Variants in RHOBTB2 observed in about 807,000 individuals in gnomAD.
RHOBTB2 encodes rho-related BTB domain-containing protein 2.
RHOBTB2 carries 39 observed loss-of-function variants against 66.5 expected under a neutral mutation model. The ratio of observed to expected loss-of-function variants is 0.59; its 90% CI spans 0.45 to 0.77. RHOBTB2 has a LOEUF of 0.77. Ranked by LOEUF, RHOBTB2 falls within the 30% of genes least tolerant of loss-of-function variation. The pLI is 0.00. For synonymous variants in RHOBTB2, 390 were observed against 395.0 expected (o/e 0.99, Z 0.15); for missense variants, 755 against 999.1 (o/e 0.76, Z 3.29).
intron 7 of RHOBTB2, among the ~76,000 whole-genome samples, chr8:23,013,462 A>T (rs1811204044): frequency 6.6e-6 from 1 of 151,966 alleles, no homozygotes; most frequent in African/African-American, 2.4e-5. Flanking sequence ...GTGTGTCATT[A>T]AACACTACAG....
upstream of RHOBTB2, among the ~76,000 whole-genome samples, chr8:22,985,586 A>G (rs1313299864): frequency 6.6e-6 from 1 of 152,164 alleles, no homozygotes; most frequent in Admixed American, 6.5e-5. Flanking sequence ...TCCACAACTT[A>G]TTGTCCCATA....
At chr8:22,969,091 A>G in the RHOBTB2 span, among the ~76,000 whole-genome samples, 3 of 152,230 alleles carry the variant, frequency 2.0e-5, no homozygotes, top group Non-Finnish European at 4.4e-5. Context: ...ACAGTTCCAC[A>G]TGGCTGGGGA....
At chr8:23,007,907 G>A (rs1013232560) in intron 5 of RHOBTB2, 86 bp from the exon 6 acceptor site, 1 of 1,492,340 alleles carries the variant, frequency 6.7e-7, no homozygotes, top group African/African-American at 1.4e-5. Context: ...AATCTTCTGG[G>A]TTCAGGAGGA....
intron 3 of RHOBTB2, 75 bp from the exon 4 acceptor site, chr8:23,005,885 G>T (rs894739781): frequency 9.2e-5 from 130 of 1,415,008 alleles, no homozygotes; most frequent in Non-Finnish European, 1.2e-4. Flanking sequence ...ACAGGGCTGG[G>T]GTGGGGCAGA....
the RHOBTB2 span, among the ~76,000 whole-genome samples, chr8:22,952,056 C>T: frequency 6.6e-6 from 1 of 152,148 alleles, no homozygotes; most frequent in Non-Finnish European, 1.5e-5. Context: ...GTAATTACAA[C>T]CTTTACCTTC....
rs745781270 is a variant in RHOBTB2, at chr8:23,011,475, C to T, written c.1771+787C>T. On this transcript the variant is annotated intron_variant, in intron 7 of 9. Coordinates refer to ENST00000251822, the MANE Select transcript of RHOBTB2 (RefSeq NM_015178.3). ...TCTCATCCTCTTTCCAGAAACAGCA[C>T]ACAAACATCCCTGCCACTCCTTAGT... 3.0e-4 allele frequency among the ~76,000 whole-genome samples: 45 copies of T among 152,152 alleles called. 1 individual carries two copies. The highest frequency in any genetic ancestry group is 1.9e-4 in the Non-Finnish European group (13 of 68,036).
chr8:22,998,269 T>C (rs1810633363), upstream of RHOBTB2, among the ~76,000 whole-genome samples: 2 of 152,202 alleles, frequency 1.3e-5, no homozygotes, highest in Non-Finnish European at 2.9e-5. Context: ...TTCCTAATCA[T>C]ATTTTGCATA....
At chr8:23,016,154 G>T (rs1179150750) in intron 9 of RHOBTB2, among the ~76,000 whole-genome samples, 5 of 152,190 alleles carry the variant, frequency 3.3e-5, no homozygotes, top group African/African-American at 1.2e-4. Flanking sequence ...GACCACCCAG[G>T]TCTGGGCATC....
At chr8:22,986,142 CTCT>C (rs1810284077), upstream of RHOBTB2, among the ~76,000 whole-genome samples, 1 of 45,182 alleles carries the variant, frequency 2.2e-5, no homozygotes, top group African/African-American at 1.3e-4. Flanking sequence ...CGGTGGACTT[CTCT>C]CTCTCTCTCT....
chr8:23,004,171 C>A lies in RHOBTB2; in HGVS notation c.-10-254C>A. On this transcript the variant is annotated intron_variant, in intron 1 of 9. Coordinates refer to ENST00000251822, the MANE Select transcript of RHOBTB2 (RefSeq NM_015178.3). This position sits in a 1 kb window ranked among gnomAD's most constrained non-coding sequence, Gnocchi z 6.4. ...AGGTCTCCTTCATCCAGACGCACAG[C>A]TGGAGGATCGTGGGAGCAGGAAGGG... 1 of 523,394 alleles carries A rather than the reference C, an allele frequency of 1.9e-6. No homozygotes were observed. The highest frequency in any genetic ancestry group is 3.5e-6 in the Non-Finnish European group (1 of 287,340). The allele number at this position is 523,394 out of a possible 1,614,324, so 32.4% of individuals were successfully genotyped here.
chr8:23,005,169 G>A (rs1307242362), intron 2 of RHOBTB2, among the ~76,000 whole-genome samples: 2 of 152,116 alleles, frequency 1.3e-5, no homozygotes, highest in African/African-American at 4.8e-5. Context: ...GGTCAGCTTG[G>A]AGGCCACCCT....
the RHOBTB2 span, among the ~76,000 whole-genome samples, chr8:22,969,332 G>C: frequency 6.6e-6 from 1 of 152,036 alleles, no homozygotes; most frequent in Non-Finnish European, 1.5e-5. Context: ...TATAATTCAA[G>C]ATGAGATTTG....
upstream of RHOBTB2, among the ~76,000 whole-genome samples, chr8:22,983,355 A>AAAG (rs907160083): frequency 6.6e-6 from 1 of 151,902 alleles, no homozygotes; most frequent in Non-Finnish European, 1.5e-5. Flanking sequence ...AAAAAACAAA[A>AAAG]AAGAAGAAGA....
chr8:22,991,909 G>T (rs7826882), intron 1 of RHOBTB2: 78,818 of 152,058 alleles, frequency 0.52, 21,632 homozygotes, highest in Non-Finnish European at 0.61. Flanking sequence ...CAAAGTTCAG[G>T]ATTAGCTGAC....
upstream of RHOBTB2, among the ~76,000 whole-genome samples, chr8:22,996,245 G>T (rs901711814): frequency 3.3e-5 from 5 of 152,164 alleles, no homozygotes; most frequent in African/African-American, 7.2e-5. Flanking sequence ...TGGGTCACAA[G>T]AGGGATTTGG....
the RHOBTB2 span, among the ~76,000 whole-genome samples, chr8:22,964,819 T>G: frequency 7.8e-6 from 1 of 128,046 alleles, no homozygotes. Context: ...TTTATTTATT[T>G]ATTTATTTAT....
Position 23,004,305 on chromosome 8 carries a change from C to T in RHOBTB2, c.-10-120C>T. The T allele has an allele frequency of 1.2e-6, 1 of 829,910 alleles. No individual in the cohort carries two copies. The highest frequency in any genetic ancestry group is 2.0e-6 in the Non-Finnish European group (1 of 504,834). The allele number at this position is 829,910 out of a possible 1,614,324, so 51.4% of individuals were successfully genotyped here. ...GAACGTTGCCCACTCCTTCCTCCTC[C>T]TGTCAGCTCCGGGGCTTGCAGAGGG... On this transcript the variant is annotated intron_variant, in intron 1 of 9. Transcript: ENST00000251822. The surrounding 1 kb of genome is among the most constrained non-coding windows in gnomAD (Gnocchi z 6.4).
At chr8:22,957,439 G>A in the RHOBTB2 span, among the ~76,000 whole-genome samples, 2 of 152,344 alleles carry the variant, frequency 1.3e-5, no homozygotes, top group Non-Finnish European at 2.9e-5. Context: ...TCATAAGCCT[G>A]ATTATCCCCG....
intron 2 of RHOBTB2, among the ~76,000 whole-genome samples, chr8:22,994,360 C>T (rs1036915728): frequency 6.6e-6 from 1 of 152,242 alleles, no homozygotes; most frequent in Non-Finnish European, 1.5e-5. Context: ...AGTCCCTTGA[C>T]TCCCTGGGTG....
Sources: gnomAD v4.1 joint callset for allele counts (sites outside exome capture counted in the v4.1 genomes callset) on GRCh38, gnomAD v4.1.1 for gene constraint, Gnocchi (gnomAD v3.1) non-coding constraint, MANE v1.5 for transcripts, NCBI Gene and HGNC (gene_info 2026-07-23, HGNC 2026-07-21) for gene names.